The following JMJD1C variants were observed in gnomAD, a reference collection of about 807,000 sequenced individuals.
JMJD1C encodes the protein jumonji domain-containing protein 1C.
JMJD1C carries 31 observed loss-of-function variants against 245.3 expected under a neutral mutation model. That is an observed-to-expected ratio of 0.13 (90% confidence interval 0.09 to 0.17). JMJD1C has a LOEUF of 0.17. Ranked by LOEUF, JMJD1C falls within the 10% of genes least tolerant of loss-of-function variation. The pLI, the probability that JMJD1C is intolerant of heterozygous loss-of-function variation, is 1.00. For synonymous variants in JMJD1C, 1,057 were observed against 1,017.4 expected, an observed-to-expected ratio of 1.04 and a Z score of -0.74; for missense variants, 2,691 against 3,000.2, an observed-to-expected ratio of 0.90 and a Z score of 2.41.
chr10:63,414,713 C>T (rs2132689971), intron 1 of JMJD1C, among the ~76,000 whole-genome samples: 1 of 151,994 alleles, frequency 6.6e-6, no homozygotes, highest in East Asian at 1.9e-4. Context: ...CATGGTGAAA[C>T]TTCATCTTTC....
Position 63,220,694 on chromosome 10 carries a change from T to TTC in JMJD1C, c.448-713_448-712dup, listed in dbSNP as rs371157211. ...TCTCCCACTGGACTCTGATATTCTG[T>TTC]TCTCTCTCTCTCTCTCTCAAAGTAC... On this transcript the variant is annotated intron_variant, in intron 3 of 25. Coordinates refer to ENST00000399262, the MANE Select transcript of JMJD1C (RefSeq NM_032776.3). Among the ~76,000 whole-genome samples the TTC allele has an allele frequency of 8.3e-3, 1,249 of 150,996 alleles. 16 individuals carry two copies. Among genetic ancestry groups the TTC allele is most frequent in the African/African-American group, 0.027 (1,124 of 41,252 alleles).
chr10:63,450,935 A>C (rs1477531713), intron 1 of JMJD1C, among the ~76,000 whole-genome samples: 2 of 152,078 alleles, frequency 1.3e-5, no homozygotes, highest in Non-Finnish European at 2.9e-5. Context: ...AAAAAAAAAA[A>C]ACTCTTAGAG....
intron 1 of JMJD1C, 80 bp downstream of exon 1, chr10:63,465,415 C>T: frequency 1.4e-6 from 2 of 1,381,352 alleles, no homozygotes; most frequent in Non-Finnish European, 1.9e-6. Context: ...AGCGAGGCGC[C>T]AGAGGGAAGC....
chr10:63,191,841 T>TG (rs1160145492), intron 16 of JMJD1C, among the ~76,000 whole-genome samples: 2 of 151,164 alleles, frequency 1.3e-5, no homozygotes, highest in Non-Finnish European at 3.0e-5. Context: ...AAAAATCAGC[T>TG]GGGCATTGTG....
At chr10:63,238,476 G>C (rs1851054070) in intron 3 of JMJD1C, among the ~76,000 whole-genome samples, 1 of 151,950 alleles carries the variant, frequency 6.6e-6, no homozygotes. Flanking sequence ...TATTAATTTT[G>C]AATAAAAATA....
intron 3 of JMJD1C, among the ~76,000 whole-genome samples, chr10:63,239,510 T>C (rs1851218744): frequency 2.0e-5 from 3 of 152,114 alleles, no homozygotes; most frequent in Non-Finnish European, 2.9e-5. Context: ...TGTGGCACAA[T>C]CTTGGCTCAC....
chr10:63,263,933 GAAAAAAA>G (rs1225176795), intron 3 of JMJD1C, among the ~76,000 whole-genome samples: 4 of 62,734 alleles, frequency 6.4e-5, no homozygotes, highest in South Asian at 5.0e-4. Context: ...CTCCATCACG[GAAAAAAA>G]AAAAAAAAAA....
At chr10:63,317,477 T>C (rs1940233361) in intron 2 of JMJD1C, among the ~76,000 whole-genome samples, 1 of 152,116 alleles carries the variant, frequency 6.6e-6, no homozygotes, top group African/African-American at 2.4e-5. Context: ...AACTTATTTC[T>C]TCTATTTGAA....
intron 1 of JMJD1C, among the ~76,000 whole-genome samples, chr10:63,390,422 G>A (rs1947963234): frequency 6.6e-6 from 1 of 152,088 alleles, no homozygotes; most frequent in Non-Finnish European, 1.5e-5. Flanking sequence ...AGGATCAGAT[G>A]GCCCCACTGC....
chr10:63,421,295 T>C (rs1052711250), intron 1 of JMJD1C, among the ~76,000 whole-genome samples: 10 of 152,192 alleles, frequency 6.6e-5, no homozygotes, highest in Non-Finnish European at 7.4e-5. Context: ...GATCGCCCCA[T>C]TGCACTCCAG....
At chr10:63,474,091 A>C (rs1953581354) in intron 1 of JMJD1C, among the ~76,000 whole-genome samples, 1 of 149,512 alleles carries the variant, frequency 6.7e-6, no homozygotes, top group Admixed American at 7.0e-5. Flanking sequence ...TGGTACACTA[A>C]AAAAAATAAT....
intron 2 of JMJD1C, among the ~76,000 whole-genome samples, chr10:63,328,962 G>A (rs1941832655): frequency 6.6e-6 from 1 of 152,066 alleles, no homozygotes; most frequent in African/African-American, 2.4e-5. Flanking sequence ...CTGTATTCAC[G>A]CACTGGAAAT....
intron 1 of JMJD1C, among the ~76,000 whole-genome samples, chr10:63,443,667 T>A (rs1326005500): frequency 6.6e-6 from 1 of 152,206 alleles, no homozygotes; most frequent in Non-Finnish European, 1.5e-5. Flanking sequence ...TATAGAGGTT[T>A]GGTTACATAT....
intron 8 of JMJD1C, among the ~76,000 whole-genome samples, chr10:63,209,485 A>G (rs1847067212): frequency 6.6e-6 from 1 of 152,194 alleles, no homozygotes; most frequent in Non-Finnish European, 1.5e-5. Flanking sequence ...CTTACTAAAA[A>G]CAGATCTTGA....
chr10:63,275,073 C>T (rs1291969792), intron 2 of JMJD1C, among the ~76,000 whole-genome samples: 1 of 152,078 alleles, frequency 6.6e-6, no homozygotes, highest in African/African-American at 2.4e-5. Flanking sequence ...AAATTTAGTC[C>T]TATTACTTTA....
rs1225353239 is a variant in JMJD1C at position 63,272,338 on chromosome 10, G to GCCTC, written c.334-7578_334-7575dup. On this transcript the variant is annotated intron_variant, in intron 2 of 25. Transcript: ENST00000399262. ...ACAATCTCGGCTCACTGCAACCTCT[G>GCCTC]CCTCCTGGGTTCAAGCAATTCTCCT... Among the ~76,000 whole-genome samples the GCCTC allele has an allele frequency of 2.6e-5, 4 of 151,768 alleles. No individual in the cohort carries two copies. The East Asian group carries it at 7.8e-4, about 30-fold the overall frequency.
chr10:63,450,691 T>G (rs1460202111), intron 1 of JMJD1C, among the ~76,000 whole-genome samples: 5 of 152,142 alleles, frequency 3.3e-5, no homozygotes, highest in African/African-American at 1.2e-4. Flanking sequence ...AGGCCAGGTA[T>G]GAACATTCCA....
At chr10:63,341,042 T>C (rs1265198441) in intron 2 of JMJD1C, among the ~76,000 whole-genome samples, 1 of 152,154 alleles carries the variant, frequency 6.6e-6, no homozygotes, top group Non-Finnish European at 1.5e-5. Flanking sequence ...AAAATGAAGA[T>C]TTCAACTGTG....
At chr10:63,440,920 G>C (rs1951344716) in intron 1 of JMJD1C, among the ~76,000 whole-genome samples, 1 of 152,074 alleles carries the variant, frequency 6.6e-6, no homozygotes, top group South Asian at 2.1e-4. Flanking sequence ...GGTTCAGAGA[G>C]GTTAAATCAT....
Sources: allele counts gnomAD v4.1 joint callset (sites outside exome capture counted in the v4.1 genomes callset), GRCh38; gene constraint gnomAD v4.1.1; transcripts MANE v1.5; gene names NCBI Gene and HGNC (gene_info 2026-07-23, HGNC 2026-07-21).